Variants in ANKFN1 observed in about 807,000 individuals in gnomAD.
ANKFN1 encodes ankyrin repeat and fibronectin type-III domain-containing protein 1.
A neutral mutation model predicts 108.7 loss-of-function variants in ANKFN1; 74 were observed. The observed-to-expected ratio is 0.68, with a 90% CI of 0.56 to 0.83. The LOEUF (loss-of-function observed/expected upper bound fraction) is 0.83. ANKFN1 is among the 40% of genes least tolerant of loss of function. ANKFN1 has a pLI of 0.00. For missense variants in ANKFN1, 1,505 were observed against 1,382.3 expected, an observed-to-expected ratio of 1.09 and a Z score of -1.41; for synonymous variants, 547 against 516.2, an observed-to-expected ratio of 1.06 and a Z score of -0.81.
Position 56,258,723 on chromosome 17 carries a change from A to G in ANKFN1, c.53+30766A>G, listed in dbSNP as rs374397880. ...CAGGAGATCGAGACCATCCTGGCTA[A>G]CACGGTGAAACCCCGTCTCTATAAA... On this transcript the variant is annotated intron_variant, in intron 3 of 20. Transcript: ENST00000682825. Among the ~76,000 whole-genome samples, 80 of 152,236 alleles carry G rather than the reference A, an allele frequency of 5.3e-4. 2 individuals are homozygous for G. In the South Asian group the frequency reaches 0.016, roughly 30 times the overall value.
intron 4 of ANKFN1, among the ~76,000 whole-genome samples, chr17:56,344,862 TTTTG>T (rs1424309698): frequency 5.3e-5 from 8 of 151,956 alleles, no homozygotes; most frequent in East Asian, 1.9e-4. Context: ...GCTACTGTTT[TTTTG>T]TTTGTTTGTT....
intron 1 of ANKFN1, among the ~76,000 whole-genome samples, chr17:56,199,747 A>T (rs1315314903): frequency 1.3e-5 from 2 of 152,200 alleles, no homozygotes; most frequent in Non-Finnish European, 2.9e-5. Flanking sequence ...AATTTTCGAT[A>T]AACAACAAAT....
intron 1 of ANKFN1, among the ~76,000 whole-genome samples, chr17:56,198,631 T>C (rs895735202): frequency 6.6e-6 from 1 of 152,230 alleles, no homozygotes; most frequent in African/African-American, 2.4e-5. Context: ...CACTCTTTAG[T>C]GTATCTGAAA....
chr17:56,454,623 C>A (rs1240969347), intron 11 of ANKFN1, among the ~76,000 whole-genome samples: 1 of 152,190 alleles, frequency 6.6e-6, no homozygotes, highest in Admixed American at 6.5e-5. Flanking sequence ...CACCACCTTT[C>A]CATTGAGATA....
At chr17:56,217,003 TA>T (rs1915471676) in intron 2 of ANKFN1, among the ~76,000 whole-genome samples, 1 of 152,222 alleles carries the variant, frequency 6.6e-6, no homozygotes, top group Non-Finnish European at 1.5e-5. Flanking sequence ...TCAAAGCTTA[TA>T]AGCTTAAACC....
intron 3 of ANKFN1, among the ~76,000 whole-genome samples, chr17:56,325,222 C>G (rs2045481210): frequency 6.6e-6 from 1 of 151,920 alleles, no homozygotes; most frequent in South Asian, 2.1e-4. Context: ...AGAATCAGAA[C>G]AGAGCTTTAG....
intron 14 of ANKFN1, among the ~76,000 whole-genome samples, chr17:56,465,950 T>A (rs2050058595): frequency 6.6e-6 from 1 of 152,198 alleles, no homozygotes; most frequent in East Asian, 1.9e-4. Flanking sequence ...ACTGCAGATC[T>A]CCTGAGAACT....
chr17:56,050,742 A>G (rs1438575112), intron 4 of ANKFN1, among the ~76,000 whole-genome samples: 2 of 152,132 alleles, frequency 1.3e-5, no homozygotes, highest in African/African-American at 2.4e-5. Flanking sequence ...GTTCTGTTCC[A>G]TTGATCTATA....
At chr17:56,339,596 T>C (rs1444646065) in intron 4 of ANKFN1, among the ~76,000 whole-genome samples, 1 of 152,280 alleles carries the variant, frequency 6.6e-6, no homozygotes, top group Middle Eastern at 3.4e-3. Flanking sequence ...CTAAGGATAA[T>C]GGCCTCCAGC....
In ANKFN1 at chr17:56,497,384, T is replaced by A. The variant is rs1020840509; in HGVS notation, c.2428-1498T>A. On this transcript the variant is annotated intron_variant, in intron 19 of 20. Transcript: ENST00000682825. ...GCCCTGAATACTCTGCTGAGTCTTG[T>A]CACCACAGGAGTGGCAAGAACTAGA... is the stretch of plus-strand genomic sequence containing the variant. 6.6e-5 allele frequency among the ~76,000 whole-genome samples: 10 copies of A among 152,140 alleles called. No individual in the cohort carries two copies. In the South Asian group the frequency reaches 2.1e-3, roughly 31 times the overall value.
At chr17:56,342,805 A>G (rs1472121371) in intron 4 of ANKFN1, among the ~76,000 whole-genome samples, 1 of 151,996 alleles carries the variant, frequency 6.6e-6, no homozygotes, top group Non-Finnish European at 1.5e-5. Context: ...GATATCTATC[A>G]GGTCCATTTG....
chr17:56,052,041 A>C (rs1227888535), intron 4 of ANKFN1, among the ~76,000 whole-genome samples: 2 of 148,242 alleles, frequency 1.3e-5, no homozygotes, highest in Non-Finnish European at 3.0e-5. Context: ...GCTCCCAATG[A>C]CTTTCTTCAC....
intron 6 of ANKFN1, among the ~76,000 whole-genome samples, chr17:56,371,782 G>A (rs2046817584): frequency 6.6e-6 from 1 of 152,164 alleles, no homozygotes; most frequent in African/African-American, 2.4e-5. Context: ...GCACAAGAAA[G>A]GGAGACATAC....
intron 3 of ANKFN1, among the ~76,000 whole-genome samples, chr17:56,283,915 T>C (rs1598351245): frequency 6.6e-6 from 1 of 152,146 alleles, no homozygotes; most frequent in East Asian, 1.9e-4. Context: ...AATCTTATTC[T>C]TTTTTAACCA....
intron 11 of ANKFN1, among the ~76,000 whole-genome samples, chr17:56,452,933 G>A (rs374875828): frequency 1.4e-4 from 21 of 152,106 alleles, no homozygotes; most frequent in East Asian, 9.6e-4. Context: ...CATTTCTCTC[G>A]TCTCTAAAAT....
intron 3 of ANKFN1, among the ~76,000 whole-genome samples, chr17:56,276,519 T>C (rs2043939173): frequency 6.6e-6 from 1 of 152,178 alleles, no homozygotes; most frequent in Non-Finnish European, 1.5e-5. Context: ...ATCTGTTGGT[T>C]CCTGACTTTT....
intron 1 of ANKFN1, among the ~76,000 whole-genome samples, chr17:56,178,064 G>T (rs1311788537): frequency 6.6e-6 from 1 of 152,118 alleles, no homozygotes; most frequent in Non-Finnish European, 1.5e-5. Flanking sequence ...TTTGGGGGTA[G>T]CAGGATGTCA....
At chr17:56,493,293 C>T (rs1184012038) in intron 19 of ANKFN1, among the ~76,000 whole-genome samples, 2 of 152,060 alleles carry the variant, frequency 1.3e-5, no homozygotes, top group African/African-American at 4.8e-5. Context: ...TTTGTGTCAG[C>T]ACAAGAAAGT....
Position 56,515,081 on chromosome 17 carries a change from G to A in ANKFN1, c.*3812G>A, listed in dbSNP as rs2051881043. 6.6e-6 allele frequency among the ~76,000 whole-genome samples: 1 copy of A among 151,810 alleles called. No individual in the cohort carries two copies. Among genetic ancestry groups the A allele is most frequent in the African/African-American group, 2.4e-5 (1 of 41,320 alleles). ...AGAACTCACTTAACAGCTTAAGTGAGTTCTCCAAGAGAAGGTATGTCTGCA... is the reference window on the plus strand; with the variant it reads ...AGAACTCACTTAACAGCTTAAGTGAATTCTCCAAGAGAAGGTATGTCTGCA... On this transcript the variant is annotated 3_prime_UTR_variant, in exon 21 of 21. Coordinates refer to ENST00000682825, the MANE Select transcript of ANKFN1 (RefSeq NM_001370326.1).
Sources: allele counts gnomAD v4.1 joint callset (sites outside exome capture counted in the v4.1 genomes callset), GRCh38; gene constraint gnomAD v4.1.1; transcripts MANE v1.5; gene names NCBI Gene and HGNC (gene_info 2026-07-23, HGNC 2026-07-21).